Variants in CELF4 observed in about 807,000 individuals in gnomAD.
The protein encoded by CELF4 is CUGBP Elav-like family member 4, also known as CUG-BP- and ETR-3-like factor 4.
In CELF4, 18 loss-of-function variants were observed where a neutral mutation model predicts 59.9. That is an observed-to-expected ratio of 0.30 (90% CI 0.21 to 0.45). The LOEUF (loss-of-function observed/expected upper bound fraction) is 0.45. CELF4 is among the 20% of genes least tolerant of loss of function. The probability of loss-of-function intolerance (pLI) is 1.00; values close to 1 mark genes in which losing one functional copy is unlikely to be tolerated. For missense variants in CELF4, 456 were observed against 689.0 expected (o/e 0.66, Z 3.79); for synonymous variants, 261 against 267.1 (o/e 0.98, Z 0.22).
chr18:37,540,671 T>C (rs1447830649), intron 1 of CELF4, among the ~76,000 whole-genome samples: 2 of 152,116 alleles, frequency 1.3e-5, no homozygotes, highest in Non-Finnish European at 2.9e-5. Flanking sequence ...CAGTTCCCGC[T>C]CTCCCTGCTG....
intron 2 of CELF4, among the ~76,000 whole-genome samples, chr18:37,433,124 C>A (rs940439250): frequency 6.6e-6 from 1 of 152,156 alleles, no homozygotes; most frequent in Admixed American, 6.6e-5. Flanking sequence ...GGGGTGCTGC[C>A]CCGTTCACCT....
chr18:37,352,188 C>A (rs925427768), intron 2 of CELF4, among the ~76,000 whole-genome samples: 2 of 152,246 alleles, frequency 1.3e-5, no homozygotes, highest in Non-Finnish European at 2.9e-5. Flanking sequence ...CAGACCACAC[C>A]TTTGCAGGTG....
At chr18:37,267,621 C>T (rs2078306367) in intron 8 of CELF4, among the ~76,000 whole-genome samples, 1 of 152,206 alleles carries the variant, frequency 6.6e-6, no homozygotes, top group Admixed American at 6.5e-5. Flanking sequence ...ATCCGCCTGT[C>T]AACTCAGGCC....
chr18:37,489,445 C>G (rs185204806), intron 1 of CELF4, among the ~76,000 whole-genome samples: 1 of 152,088 alleles, frequency 6.6e-6, no homozygotes. Flanking sequence ...GTGCCCAAGC[C>G]TCAGCCATTG....
At chr18:37,423,266 G>A (rs770445870) in intron 2 of CELF4, among the ~76,000 whole-genome samples, 11 of 152,208 alleles carry the variant, frequency 7.2e-5, no homozygotes, top group Admixed American at 2.0e-4. Flanking sequence ...GCTCATCCAC[G>A]TCCAGGTAGG....
chr18:37,272,142 C>T (rs912954245), intron 7 of CELF4, among the ~76,000 whole-genome samples: 1 of 152,170 alleles, frequency 6.6e-6, no homozygotes, highest in African/African-American at 2.4e-5. Context: ...CACAGAGAGC[C>T]AAGGAAGCTC....
chr18:37,376,996 T>G (rs879843323), intron 2 of CELF4, among the ~76,000 whole-genome samples: 2,156 of 86,788 alleles, frequency 0.025, no homozygotes, highest in African/African-American at 0.026. Flanking sequence ...CAGGGGAGGG[T>G]GGAGGGGAGA....
intron 2 of CELF4, among the ~76,000 whole-genome samples, chr18:37,389,274 C>A (rs1374008025): frequency 6.6e-6 from 1 of 152,162 alleles, no homozygotes; most frequent in Non-Finnish European, 1.5e-5. Flanking sequence ...AGCAGCCCAG[C>A]CCTTCCCTGG....
At chr18:37,344,300 G>T (rs1016605132) in intron 2 of CELF4, among the ~76,000 whole-genome samples, 5 of 152,230 alleles carry the variant, frequency 3.3e-5, no homozygotes, top group Non-Finnish European at 7.3e-5. Context: ...GCTTACACAT[G>T]GCAAGCAACC....
intron 1 of CELF4, among the ~76,000 whole-genome samples, chr18:37,492,476 G>C (rs530215492): frequency 5.0e-4 from 76 of 152,210 alleles, no homozygotes; most frequent in Non-Finnish European, 6.8e-4. Context: ...CAGCTTCCCT[G>C]GGAAGAGGGT....
chr18:37,554,293 A>G (rs1276890378), intron 1 of CELF4, among the ~76,000 whole-genome samples: 1 of 152,118 alleles, frequency 6.6e-6, no homozygotes, highest in African/African-American at 2.4e-5. Flanking sequence ...TTTGTCCCGC[A>G]GGCTGGATGT....
chr18:37,517,637 A>C (rs1003189427), intron 1 of CELF4, among the ~76,000 whole-genome samples: 4 of 152,216 alleles, frequency 2.6e-5, no homozygotes, highest in African/African-American at 9.6e-5. Context: ...GGCATGGCTC[A>C]TCAGCGTGGC....
chr18:37,359,555 C>T (rs772673347), intron 2 of CELF4, among the ~76,000 whole-genome samples: 3 of 152,066 alleles, frequency 2.0e-5, no homozygotes, highest in Non-Finnish European at 4.4e-5. Flanking sequence ...GCTGGTCTTA[C>T]ACTCCTAGAC....
intron 12 of CELF4, among the ~76,000 whole-genome samples, chr18:37,250,659 AT>A (rs1442686562): frequency 2.6e-5 from 4 of 151,998 alleles, no homozygotes; most frequent in African/African-American, 7.2e-5. Context: ...ATTTTAGCTG[AT>A]TTTTTGTGCC....
intron 2 of CELF4, among the ~76,000 whole-genome samples, chr18:37,436,658 G>A (rs1316249184): frequency 6.6e-6 from 1 of 152,208 alleles, no homozygotes; most frequent in Non-Finnish European, 1.5e-5. Context: ...TAGGCTGCCT[G>A]CTCAGGAGAA....
chr18:37,337,592 C>A (rs1448752892), intron 2 of CELF4, among the ~76,000 whole-genome samples: 1 of 152,206 alleles, frequency 6.6e-6, no homozygotes, highest in Non-Finnish European at 1.5e-5. Context: ...GGAAATGCCC[C>A]TGCAAGGAGG....
At position 37,393,856 on chromosome 18, in the gene CELF4, CTT is replaced by C. The variant is rs397959278; in HGVS notation, c.370-71977_370-71976del. Among the ~76,000 whole-genome samples, 930 of 131,062 alleles carry C rather than the reference CTT, an allele frequency of 7.1e-3. 20 individuals are homozygous for C. The highest frequency in any genetic ancestry group is 0.025 in the African/African-American group (879 of 35,666). 86.0% of individuals were successfully genotyped at this position (131,062 alleles called of 152,430 possible). A position where few individuals can be genotyped will look rare whatever the true frequency, so the allele number is the denominator to read the frequency against. ...AATTAAGTGATATTCCTTTACGCGG[CTT>C]TTTTTTTTTTTTTTAATTTTAAGCA... On this transcript the variant is annotated intron_variant, in intron 2 of 12. Coordinates refer to ENST00000420428, the MANE Select transcript of CELF4 (RefSeq NM_020180.4).
rs1023995357 is a variant in CELF4 at position 37,254,542 on chromosome 18, T to C, written c.1334-604A>G. Among the ~76,000 whole-genome samples the C allele has an allele frequency of 1.3e-5, 2 of 151,814 alleles. No homozygotes were observed. Among genetic ancestry groups the C allele is most frequent in the East Asian group, 3.9e-4 (2 of 5,116 alleles). On this transcript the variant is annotated intron_variant, in intron 11 of 12. Coordinates refer to ENST00000420428, the MANE Select transcript of CELF4 (RefSeq NM_020180.4). The surrounding 1 kb of genome is among the most constrained non-coding windows in gnomAD (Gnocchi z 5.1). Reference sequence around the variant, plus strand: ...GGGCCCTCCGCCCCCACTCCCGGCCTCTGCCCGCCCCGCCAGGCTCCGGGT... The same window carrying C: ...GGGCCCTCCGCCCCCACTCCCGGCCCCTGCCCGCCCCGCCAGGCTCCGGGT...
intron 1 of CELF4, among the ~76,000 whole-genome samples, chr18:37,559,261 A>T (rs148528077): frequency 6.6e-6 from 1 of 152,026 alleles, no homozygotes; most frequent in East Asian, 2.0e-4. Context: ...CCCTAACATC[A>T]TCTCCATGCC....
Sources: allele counts gnomAD v4.1 joint callset (sites outside exome capture counted in the v4.1 genomes callset), GRCh38; gene constraint gnomAD v4.1.1; non-coding constraint Gnocchi (gnomAD v3.1); transcripts MANE v1.5; gene names NCBI Gene and HGNC (gene_info 2026-07-23, HGNC 2026-07-21).